MME: variants seen among roughly 807,000 people sequenced by gnomAD.
MME encodes membrane metalloendopeptidase.
A neutral mutation model predicts 113.2 loss-of-function variants in MME; 98 were observed. That is an observed-to-expected ratio of 0.87 (90% CI 0.74 to 1.02). The LOEUF is 1.02. Among genes scored for constraint, MME ranks in the 50% least tolerant of loss-of-function variants. The probability of loss-of-function intolerance (pLI) is 0.00; values close to 1 mark genes in which losing one functional copy is unlikely to be tolerated. For missense variants in MME, 836 were observed against 896.0 expected, an observed-to-expected ratio of 0.93 and a Z score of 0.86; for synonymous variants, 292 against 300.6, an observed-to-expected ratio of 0.97 and a Z score of 0.30.
chr3:155,168,418 G>A, intron 18 of MME, 74 bp from the exon 19 acceptor site: 7 of 1,304,164 alleles, frequency 5.4e-6, no homozygotes, highest in South Asian at 3.7e-5. Context: ...TTCAGTCCTT[G>A]CACTTTGAAT....
intron 1 of MME, among the ~76,000 whole-genome samples, chr3:155,029,180 C>T (rs1712887451): frequency 6.6e-6 from 1 of 152,044 alleles, no homozygotes; most frequent in African/African-American, 2.4e-5. Context: ...GTTAATACTA[C>T]ACAAAAAGGA....
chr3:155,135,970 C>A (rs1306583182), intron 8 of MME, among the ~76,000 whole-genome samples: 3 of 152,126 alleles, frequency 2.0e-5, no homozygotes, highest in South Asian at 4.1e-4. Flanking sequence ...AGATATGCCA[C>A]CAATTTTTAT....
At chr3:155,025,689 CTTTTTTTTTTTT>C (rs775452382) in intron 1 of MME, among the ~76,000 whole-genome samples, 3 of 109,054 alleles carry the variant, frequency 2.8e-5, no homozygotes, top group Non-Finnish European at 5.6e-5. Context: ...TTCTTTCTTT[CTTTTTTTTTTTT>C]TTTTTTTTTG....
At chr3:155,052,709 G>T (rs542871240) in intron 1 of MME, among the ~76,000 whole-genome samples, 3 of 152,200 alleles carry the variant, frequency 2.0e-5, no homozygotes, top group African/African-American at 7.2e-5. Flanking sequence ...TGTCATGAAG[G>T]CCTTTGGCAT....
At chr3:155,091,532 A>T (rs1451418017) in intron 3 of MME, among the ~76,000 whole-genome samples, 3 of 152,202 alleles carry the variant, frequency 2.0e-5, no homozygotes, top group Non-Finnish European at 4.4e-5. Context: ...GAGGGGGTGG[A>T]TACAAACTAG....
chr3:155,107,886 AC>A (rs530365769), intron 3 of MME, among the ~76,000 whole-genome samples: 55 of 152,342 alleles, frequency 3.6e-4, no homozygotes, highest in Admixed American at 1.7e-3. Flanking sequence ...ATGCTCCACA[AC>A]CATAGTGTGG....
chr3:155,141,650 C>A (rs1721097370), intron 10 of MME, among the ~76,000 whole-genome samples: 1 of 152,074 alleles, frequency 6.6e-6, no homozygotes, highest in Admixed American at 6.6e-5. Context: ...CACACATTTC[C>A]ATTTTTGCAT....
intron 3 of MME, among the ~76,000 whole-genome samples, chr3:155,109,596 G>A (rs909658268): frequency 6.6e-6 from 1 of 152,092 alleles, no homozygotes; most frequent in Non-Finnish European, 1.5e-5. Context: ...TTTTGATATT[G>A]GATCTGTTGG....
intron 4 of MME, among the ~76,000 whole-genome samples, chr3:155,115,836 T>TGTTA (rs2108253365): frequency 6.6e-6 from 1 of 152,336 alleles, no homozygotes; most frequent in East Asian, 1.9e-4. Context: ...TACTGTAAGA[T>TGTTA]GTTACTAAGA....
At chr3:155,104,379 G>A (rs186936258) in intron 3 of MME, among the ~76,000 whole-genome samples, 1 of 152,284 alleles carries the variant, frequency 6.6e-6, no homozygotes. Flanking sequence ...ACTGCCTTGT[G>A]CCAATCAAAT....
chr3:155,178,328 T>A (rs762363760), intron 22 of MME, among the ~76,000 whole-genome samples: 1 of 152,176 alleles, frequency 6.6e-6, no homozygotes, highest in South Asian at 2.1e-4. Context: ...GTTGATGCGT[T>A]GATGGGTGAC....
intron 16 of MME, among the ~76,000 whole-genome samples, chr3:155,153,258 C>T (rs1454554842): frequency 6.6e-6 from 1 of 152,094 alleles, no homozygotes; most frequent in African/African-American, 2.4e-5. Context: ...AACTCCTGAC[C>T]TCAGGTGATC....
At chr3:155,080,639 G>A (rs1377307134) in intron 1 of MME, among the ~76,000 whole-genome samples, 173 bp downstream of exon 1, 7 of 152,072 alleles carry the variant, frequency 4.6e-5, no homozygotes, top group Admixed American at 4.6e-4. Flanking sequence ...TCGGTGCGGG[G>A]CTGGTGTGTC....
Position 155,073,381 on chromosome 3 carries a change from A to G in MME, c.-10-10777A>G, listed in dbSNP as rs115768122. Among the ~76,000 whole-genome samples the G allele has an allele frequency of 3.6e-3, 542 of 152,326 alleles. 5 individuals are homozygous for G. The highest frequency in any genetic ancestry group is 6.2e-3 in the Non-Finnish European group (423 of 68,026). On this transcript the variant is annotated intron_variant, in intron 1 of 22. Coordinates refer to the MME transcript ENST00000492661. ...GCCAGCTAAAACTCCAAATAAAACC[A>G]AGTCTTACTCACCTGACTTCTTATA...
chr3:155,071,288 C>G (rs1019613194), intron 1 of MME, among the ~76,000 whole-genome samples: 3 of 152,182 alleles, frequency 2.0e-5, no homozygotes, highest in African/African-American at 4.8e-5. Context: ...CATCCTCATA[C>G]GCGTAGCACG....
At chr3:155,032,814 G>C (rs181172617) in intron 1 of MME, among the ~76,000 whole-genome samples, 4 of 152,126 alleles carry the variant, frequency 2.6e-5, no homozygotes, top group Non-Finnish European at 5.9e-5. Flanking sequence ...AAGAAAAAGA[G>C]ATTACAAAAA....
intron 16 of MME, among the ~76,000 whole-genome samples, chr3:155,158,093 G>A (rs1722445060): frequency 1.3e-5 from 2 of 152,008 alleles, no homozygotes; most frequent in East Asian, 1.9e-4. Context: ...GTGATCTATT[G>A]TTATCTGAAA....
At chr3:155,129,937 G>A (rs1021074660) in intron 8 of MME, among the ~76,000 whole-genome samples, 57 of 152,322 alleles carry the variant, frequency 3.7e-4, no homozygotes, top group African/African-American at 1.3e-3. Flanking sequence ...TGAGAGAAAT[G>A]AGGACCTTAA....
intron 3 of MME, among the ~76,000 whole-genome samples, chr3:155,113,803 A>G (rs1408837454): frequency 6.6e-6 from 1 of 152,206 alleles, no homozygotes; most frequent in Non-Finnish European, 1.5e-5. Context: ...TTTTACCCAA[A>G]GTTTCAAATC....
Sources: allele counts gnomAD v4.1 joint callset (sites outside exome capture counted in the v4.1 genomes callset), GRCh38; gene constraint gnomAD v4.1.1; transcripts MANE v1.5; gene names NCBI Gene and HGNC (gene_info 2026-07-23, HGNC 2026-07-21).